The following RB1 variants were observed in gnomAD, a reference collection of about 807,000 sequenced individuals.
RB1 encodes RB transcriptional corepressor 1, also known as retinoblastoma-associated protein.
In RB1, 18 loss-of-function variants were observed where a neutral mutation model predicts 135.4. The observed-to-expected ratio is 0.13, with a 90% CI of 0.09 to 0.20. The LOEUF (loss-of-function observed/expected upper bound fraction) is 0.20. RB1 is among the 10% of genes least tolerant of loss of function. The pLI, the probability that RB1 is intolerant of heterozygous loss-of-function variation, is 1.00. For synonymous variants in RB1, 365 were observed against 373.2 expected, an observed-to-expected ratio of 0.98 and a Z score of 0.25; for missense variants, 868 against 1,110.0, an observed-to-expected ratio of 0.78 and a Z score of 3.10.
chr13:48,397,775 T>C (rs1337540837), intron 17 of RB1, among the ~76,000 whole-genome samples: 3 of 152,202 alleles, frequency 2.0e-5, no homozygotes, highest in African/African-American at 7.2e-5. Context: ...TTGACAAACT[T>C]ATAAACAAAA....
intron 2 of RB1, chr13:48,318,348 G>C: frequency 7.1e-7 from 1 of 1,418,240 alleles, no homozygotes; most frequent in Non-Finnish European, 9.5e-7. Context: ...CGCAGCCCTG[G>C]GTTCCCTGCA....
At chr13:48,318,667 G>T in intron 2 of RB1, 1 of 611,942 alleles carries the variant, frequency 1.6e-6, no homozygotes, top group South Asian at 1.7e-5. Flanking sequence ...GTTTTCTTGG[G>T]CGTGGACGGC....
chr13:48,450,697 G>GT (rs575473891), intron 17 of RB1, among the ~76,000 whole-genome samples: 65 of 152,162 alleles, frequency 4.3e-4, no homozygotes, highest in African/African-American at 1.6e-3. Context: ...ATGTGAATTA[G>GT]TTTTTTCTAA....
intron 18 of RB1, 35 bp from the exon 19 acceptor site, chr13:48,456,169 C>G (rs1227550992): frequency 1.7e-5 from 27 of 1,612,382 alleles, no homozygotes; most frequent in Non-Finnish European, 2.1e-5. Flanking sequence ...TCTTAGCCAA[C>G]TTGAAATGAA....
At chr13:48,364,198 A>G (rs1264149714) in intron 8 of RB1, among the ~76,000 whole-genome samples, 1 of 152,162 alleles carries the variant, frequency 6.6e-6, no homozygotes, top group African/African-American at 2.4e-5. Flanking sequence ...AATTTTGGAG[A>G]TTTGCAATAA....
chr13:48,401,762 C>T (rs949413974), intron 17 of RB1, among the ~76,000 whole-genome samples: 1 of 152,120 alleles, frequency 6.6e-6, no homozygotes, highest in Non-Finnish European at 1.5e-5. Context: ...GAATAGGAAA[C>T]AGCTGGATTT....
chr13:48,473,316 T>C, intron 23 of RB1, 44 bp from the exon 24 acceptor site: 1 of 1,482,112 alleles, frequency 6.7e-7, no homozygotes, highest in African/African-American at 1.4e-5. Context: ...CAAAATTGTA[T>C]ATGGTTTTTT....
chr13:48,333,248 A>G (rs1477516432), intron 2 of RB1: 3 of 391,362 alleles, frequency 7.7e-6, no homozygotes, highest in Admixed American at 8.9e-5. Flanking sequence ...TTTTTGAAAC[A>G]GCACATGTCA....
At chr13:48,419,817 A>G (rs1474139367) in intron 17 of RB1, among the ~76,000 whole-genome samples, 2 of 152,168 alleles carry the variant, frequency 1.3e-5, no homozygotes, top group Admixed American at 1.3e-4. Flanking sequence ...GGACACATAC[A>G]CCCTCCCAAG....
At position 48,379,560 on chromosome 13, in the gene RB1, G is replaced by A. The variant is rs754045957; in HGVS notation, c.1333-34G>A. ...TTCATAATTGTGATTTTCTAAAATA[G>A]CAGGCTCTTATTTTTCTTTTTGTTT... On this transcript the variant is annotated intron_variant, in intron 13 of 26. Coordinates refer to ENST00000267163, the MANE Select transcript of RB1 (RefSeq NM_000321.3). 13 of 1,599,844 alleles carry A rather than the reference G, an allele frequency of 8.1e-6. No individual in the cohort carries two copies. In the East Asian group the frequency reaches 2.0e-4, roughly 25 times the overall value.
At chr13:48,354,031 G>C (rs1238254251) in intron 6 of RB1, among the ~76,000 whole-genome samples, 1 of 152,098 alleles carries the variant, frequency 6.6e-6, no homozygotes, top group Non-Finnish European at 1.5e-5. Flanking sequence ...TCTAGAACAT[G>C]ATGAGGATGT....
At chr13:48,326,568 G>T (rs1952289276) in intron 2 of RB1, among the ~76,000 whole-genome samples, 1 of 152,142 alleles carries the variant, frequency 6.6e-6, no homozygotes, top group Non-Finnish European at 1.5e-5. Flanking sequence ...TTAAATTCAA[G>T]TATCTTGATA....
At chr13:48,355,587 G>A (rs1465843864) in intron 6 of RB1, among the ~76,000 whole-genome samples, 1 of 151,974 alleles carries the variant, frequency 6.6e-6, no homozygotes, top group East Asian at 1.9e-4. Flanking sequence ...CCAACGAAAG[G>A]AAGTCAGTAT....
chr13:48,352,556 T>C (rs1952557610), intron 6 of RB1, among the ~76,000 whole-genome samples: 1 of 152,168 alleles, frequency 6.6e-6, no homozygotes, highest in Non-Finnish European at 1.5e-5. Context: ...GAAATTCTTG[T>C]TGTAGAGAGC....
intron 17 of RB1, among the ~76,000 whole-genome samples, chr13:48,435,019 T>C (rs1186124145): frequency 1.3e-5 from 2 of 152,238 alleles, no homozygotes; most frequent in Non-Finnish European, 2.9e-5. Flanking sequence ...ATAAAGCTGC[T>C]ATGAACATTT....
intron 17 of RB1, among the ~76,000 whole-genome samples, chr13:48,450,094 AT>A (rs386379116): frequency 0.1 from 11,758 of 117,636 alleles, 648 homozygotes; most frequent in African/African-American, 0.2. Flanking sequence ...ATATATATAT[AT>A]TTTTTTTTTT....
intron 17 of RB1, among the ~76,000 whole-genome samples, chr13:48,395,886 A>G (rs1323250821): frequency 1.3e-5 from 2 of 152,194 alleles, no homozygotes; most frequent in African/African-American, 4.8e-5. Flanking sequence ...AGGGAACACC[A>G]CAAAGATACT....
intron 2 of RB1, chr13:48,340,792 A>T (rs550186175): frequency 6.3e-6 from 1 of 158,562 alleles, no homozygotes; most frequent in South Asian, 2.0e-4. Flanking sequence ...ACACAAATAC[A>T]GAAGTTGATT....
chr13:48,375,489 T>TA (rs1394789141), intron 12 of RB1, among the ~76,000 whole-genome samples: 2 of 151,008 alleles, frequency 1.3e-5, no homozygotes, highest in Non-Finnish European at 2.9e-5. Flanking sequence ...TTTTTTTTTT[T>TA]AGGAATATAG....
Sources: gnomAD v4.1 joint callset for allele counts (sites outside exome capture counted in the v4.1 genomes callset) on GRCh38, gnomAD v4.1.1 for gene constraint, MANE v1.5 for transcripts, NCBI Gene and HGNC (gene_info 2026-07-23, HGNC 2026-07-21) for gene names.